Variants in PRKN observed in about 807,000 individuals in gnomAD.
PRKN encodes the protein E3 ubiquitin-protein ligase parkin.
Under a neutral mutation model 59.5 loss-of-function variants are expected in PRKN, and 56 were observed. The ratio of observed to expected loss-of-function variants is 0.94; its 90% CI spans 0.76 to 1.18. The LOEUF (loss-of-function observed/expected upper bound fraction) is 1.18. Ranked by LOEUF, PRKN falls within the 50% of genes most tolerant of loss-of-function variation. PRKN has a pLI of 0.00. For synonymous variants in PRKN, 250 were observed against 222.1 expected (o/e 1.13, Z -1.12); for missense variants, 657 against 596.4 (o/e 1.10, Z -1.06).
At chr6:162,614,428 T>G (rs192762650) in intron 1 of PRKN, among the ~76,000 whole-genome samples, 2 of 152,298 alleles carry the variant, frequency 1.3e-5, no homozygotes, top group Non-Finnish European at 2.9e-5. Context: ...GTAAAATAAT[T>G]TATATATGTT....
At chr6:162,021,116 A>C (rs1241169689) in intron 5 of PRKN, among the ~76,000 whole-genome samples, 1 of 43,660 alleles carries the variant, frequency 2.3e-5, no homozygotes, top group Non-Finnish European at 4.0e-5. Context: ...AAAAAAACAA[A>C]AACATATATA....
intron 2 of PRKN, among the ~76,000 whole-genome samples, chr6:162,397,735 C>G (rs143567803): frequency 9.0e-4 from 137 of 152,142 alleles, no homozygotes; most frequent in African/African-American, 3.2e-3. Context: ...GCACACTCGG[C>G]AGTAGAAATG....
chr6:162,714,164 G>A (rs533648344), intron 1 of PRKN, among the ~76,000 whole-genome samples: 1 of 152,246 alleles, frequency 6.6e-6, no homozygotes, highest in South Asian at 2.1e-4. Context: ...ATTATGTGGT[G>A]GCCCTGCTGG....
chr6:161,882,439 C>T (rs1794973370), intron 6 of PRKN, among the ~76,000 whole-genome samples: 1 of 152,128 alleles, frequency 6.6e-6, no homozygotes, highest in South Asian at 2.1e-4. Flanking sequence ...GCCCAGGCGG[C>T]AGCTTCCCTC....
chr6:161,977,059 A>G (rs183236491), intron 5 of PRKN, among the ~76,000 whole-genome samples: 6 of 152,340 alleles, frequency 3.9e-5, no homozygotes, highest in Non-Finnish European at 7.4e-5. Context: ...TGTATGCCTC[A>G]ACAGTAAATT....
At chr6:162,437,421 A>C (rs1789832125) in intron 2 of PRKN, among the ~76,000 whole-genome samples, 1 of 152,134 alleles carries the variant, frequency 6.6e-6, no homozygotes, top group Non-Finnish European at 1.5e-5. Flanking sequence ...GATAGCAGAG[A>C]AAGATGCCAG....
rs1234156991 is a variant in PRKN, at chr6:161,902,760, T to C, written c.734+70542A>G. 3.3e-5 allele frequency among the ~76,000 whole-genome samples: 5 copies of C among 152,130 alleles called. No individual in the cohort carries two copies. The East Asian group carries it at 9.7e-4, about 30-fold the overall frequency. ...TGAGTAGAGACTGAGTTTCGCCATGTTGGCCAGGCTGGTCTCAAACTCCTG... is the reference window on the plus strand; with the variant it reads ...TGAGTAGAGACTGAGTTTCGCCATGCTGGCCAGGCTGGTCTCAAACTCCTG... On this transcript the variant is annotated intron_variant, in intron 6 of 11. Coordinates refer to ENST00000366898, the MANE Select transcript of PRKN (RefSeq NM_004562.3).
rs9458276 is a variant in PRKN at position 161,473,561 on chromosome 6, T to A, written c.1083+75293A>T. ...ATATAGAGACAGAATAAAATGGTGG[T>A]TACCGGAAGTGGTGGGGGGAATTGT... is the stretch of plus-strand genomic sequence containing the variant. On this transcript the variant is annotated intron_variant, in intron 9 of 11. Coordinates refer to ENST00000366898, the MANE Select transcript of PRKN (RefSeq NM_004562.3). The surrounding 1 kb of genome is among the most constrained non-coding windows in gnomAD (Gnocchi z 4.1). 0.022 allele frequency among the ~76,000 whole-genome samples: 3,270 copies of A among 151,852 alleles called. 112 individuals are homozygous for A. Among genetic ancestry groups the A allele is most frequent in the African/African-American group, 0.075 (3,096 of 41,418 alleles).
intron 10 of PRKN, among the ~76,000 whole-genome samples, chr6:161,374,028 T>C (rs918547262): frequency 6.6e-6 from 1 of 152,166 alleles, no homozygotes; most frequent in Non-Finnish European, 1.5e-5. Flanking sequence ...AATCCAGCAT[T>C]TTCCTTAAGG....
intron 2 of PRKN, among the ~76,000 whole-genome samples, chr6:162,269,382 T>C (rs1472553993): frequency 6.6e-6 from 1 of 152,182 alleles, no homozygotes; most frequent in Non-Finnish European, 1.5e-5. Flanking sequence ...ACATTCCAGA[T>C]GGCGTTAGTA....
intron 3 of PRKN, among the ~76,000 whole-genome samples, chr6:162,241,063 T>C (rs1234000526): frequency 1.3e-5 from 2 of 152,212 alleles, no homozygotes; most frequent in Non-Finnish European, 2.9e-5. Context: ...AAATTTAAAT[T>C]AGAAAATGTA....
chr6:161,772,373 C>T (rs759359191), intron 7 of PRKN, among the ~76,000 whole-genome samples: 10 of 152,124 alleles, frequency 6.6e-5, no homozygotes, highest in Non-Finnish European at 1.2e-4. Flanking sequence ...GACTGTGTTG[C>T]TCAATGTGTC....
rs77551149 is a variant in PRKN, at chr6:162,724,269, C to G, written c.7+3393G>C. Among the ~76,000 whole-genome samples the G allele has an allele frequency of 1.2e-4, 18 of 152,290 alleles. No homozygotes were observed. In the East Asian group the frequency reaches 3.3e-3, roughly 28 times the overall value. ...TCTTGAAGTCCTTCTCCACACTTTC[C>G]ACAAAGGCACAATTTTTAACCGACT... On this transcript the variant is annotated intron_variant, in intron 1 of 11. Transcript: ENST00000366898.
At chr6:161,899,120 G>C (rs1490370508) in intron 6 of PRKN, among the ~76,000 whole-genome samples, 3 of 152,224 alleles carry the variant, frequency 2.0e-5, no homozygotes, top group Non-Finnish European at 4.4e-5. Flanking sequence ...AGCTATGTCA[G>C]CGTGGCCCAG....
At chr6:161,439,280 C>T (rs1428325589) in intron 9 of PRKN, among the ~76,000 whole-genome samples, 2 of 152,142 alleles carry the variant, frequency 1.3e-5, no homozygotes, top group Non-Finnish European at 2.9e-5. Flanking sequence ...CCTCCAAAAA[C>T]ATGGAGGAAA....
At chr6:161,865,527 C>G (rs556476079) in intron 6 of PRKN, among the ~76,000 whole-genome samples, 168 of 152,260 alleles carry the variant, frequency 1.1e-3, no homozygotes, top group African/African-American at 3.8e-3. Flanking sequence ...TTTAATGTAG[C>G]CAGATACATC....
At chr6:162,358,763 A>C (rs557665601) in intron 2 of PRKN, among the ~76,000 whole-genome samples, 1 of 152,156 alleles carries the variant, frequency 6.6e-6, no homozygotes, top group East Asian at 1.9e-4. Flanking sequence ...TCACTATCAG[A>C]AATCACCTTG....
At chr6:162,162,731 C>T (rs1258359864) in intron 4 of PRKN, among the ~76,000 whole-genome samples, 13 of 151,962 alleles carry the variant, frequency 8.6e-5, no homozygotes, top group African/African-American at 2.4e-4. Flanking sequence ...AATTTCTGGC[C>T]GGGTGCGGTG....
chr6:161,860,106 G>A (rs529036619), intron 6 of PRKN, among the ~76,000 whole-genome samples: 8 of 152,098 alleles, frequency 5.3e-5, no homozygotes, highest in African/African-American at 1.9e-4. Flanking sequence ...TAAGTTTACA[G>A]TTTTAAAATA....
Sources: gnomAD v4.1 joint callset for allele counts (sites outside exome capture counted in the v4.1 genomes callset) on GRCh38, gnomAD v4.1.1 for gene constraint, Gnocchi (gnomAD v3.1) non-coding constraint, MANE v1.5 for transcripts, NCBI Gene and HGNC (gene_info 2026-07-23, HGNC 2026-07-21) for gene names.